Variants in RANBP2 observed in about 807,000 individuals in gnomAD.
The protein encoded by RANBP2 is RAN binding protein 2, also known as E3 SUMO-protein ligase RanBP2.
Under a neutral mutation model 303.6 loss-of-function variants are expected in RANBP2, and 57 were observed. The observed-to-expected ratio is 0.19, with a 90% CI of 0.15 to 0.23. The LOEUF (loss-of-function observed/expected upper bound fraction) is 0.23, where lower values mean the gene tolerates loss of function less well. Ranked by LOEUF, RANBP2 falls within the 10% of genes least tolerant of loss-of-function variation. The probability of loss-of-function intolerance (pLI) is 1.00; values close to 1 mark genes in which losing one functional copy is unlikely to be tolerated. For missense variants in RANBP2, 3,138 were observed against 3,780.8 expected (o/e 0.83, Z 4.46); for synonymous variants, 1,167 against 1,301.5 (o/e 0.90, Z 2.23).
At chr2:109,564,315 C>G in the RANBP2 span, 2 of 1,427,500 alleles carry the variant, frequency 1.4e-6, no homozygotes, top group Non-Finnish European at 1.9e-6. Flanking sequence ...TAAAAATATG[C>G]AATCCTCTCT....
chr2:109,340,748 C>T, the RANBP2 span, among the ~76,000 whole-genome samples: 3,768 of 152,196 alleles, frequency 0.025, 70 homozygotes, highest in African/African-American at 0.055. Flanking sequence ...CTAAGAAGCA[C>T]GGAAGGGCAG....
chr2:109,529,796 G>A, the RANBP2 span, among the ~76,000 whole-genome samples: 6 of 152,104 alleles, frequency 3.9e-5, no homozygotes, highest in Non-Finnish European at 8.8e-5. Flanking sequence ...GGGGGCTGTG[G>A]AGCCCCTTCC....
the RANBP2 span, among the ~76,000 whole-genome samples, chr2:109,727,463 A>G: frequency 3.3e-5 from 5 of 152,330 alleles, no homozygotes; most frequent in South Asian, 4.1e-4. Context: ...CCGAGTCCGT[A>G]TCCTGGAAGT....
At chr2:109,256,566 A>G in the RANBP2 span, among the ~76,000 whole-genome samples, 1 of 152,332 alleles carries the variant, frequency 6.6e-6, no homozygotes, top group African/African-American at 2.4e-5. Context: ...TAAAGGGCAC[A>G]GAAGCCCTTT....
At chr2:109,575,340 C>T in the RANBP2 span, among the ~76,000 whole-genome samples, 3 of 152,202 alleles carry the variant, frequency 2.0e-5, no homozygotes, top group African/African-American at 7.2e-5. Flanking sequence ...GACTCTTTGC[C>T]TCTTAGATTT....
At chr2:108,839,494 T>A in the RANBP2 span, among the ~76,000 whole-genome samples, 1 of 152,184 alleles carries the variant, frequency 6.6e-6, no homozygotes, top group African/African-American at 2.4e-5. Context: ...ACATCTTTCC[T>A]TTGTTGAGTC....
At chr2:109,671,288 T>C in the RANBP2 span, among the ~76,000 whole-genome samples, 4 of 151,994 alleles carry the variant, frequency 2.6e-5, no homozygotes, top group South Asian at 6.3e-4. Context: ...GGTGGCCAGC[T>C]GCAGCCAGGG....
chr2:109,455,816 A>G, the RANBP2 span, among the ~76,000 whole-genome samples: 1 of 152,136 alleles, frequency 6.6e-6, no homozygotes, highest in South Asian at 2.1e-4. Context: ...AGTGCCATTC[A>G]CTTCCGAAGT....
At chr2:109,201,887 C>T in the RANBP2 span, among the ~76,000 whole-genome samples, 2 of 152,216 alleles carry the variant, frequency 1.3e-5, no homozygotes, top group Admixed American at 1.3e-4. Context: ...AGCCTCCTAC[C>T]AATGAGTCTG....
At chr2:109,686,841 G>A in the RANBP2 span, among the ~76,000 whole-genome samples, 2 of 152,166 alleles carry the variant, frequency 1.3e-5, no homozygotes, top group Non-Finnish European at 2.9e-5. Flanking sequence ...TGGAAATCCT[G>A]AGCACAAGCG....
chr2:109,522,281 T>C, the RANBP2 span, among the ~76,000 whole-genome samples: 5 of 149,346 alleles, frequency 3.3e-5, no homozygotes, highest in Admixed American at 1.3e-4. Flanking sequence ...TTTTCTTTTT[T>C]TTAAAAAAAA....
At chr2:108,990,608 A>G in the RANBP2 span, among the ~76,000 whole-genome samples, 1 of 152,144 alleles carries the variant, frequency 6.6e-6, no homozygotes, top group Non-Finnish European at 1.5e-5. Context: ...AACAGAAAAG[A>G]AAAGAAAAGA....
chr2:108,937,538 T>C, the RANBP2 span, among the ~76,000 whole-genome samples: 1 of 151,738 alleles, frequency 6.6e-6, no homozygotes, highest in Non-Finnish European at 1.5e-5. Flanking sequence ...TGAGTGTATG[T>C]GTGTGAGTGT....
the RANBP2 span, among the ~76,000 whole-genome samples, chr2:108,926,625 C>T: frequency 6.6e-6 from 1 of 152,176 alleles, no homozygotes; most frequent in Non-Finnish European, 1.5e-5. Flanking sequence ...GGAAGCGTAA[C>T]CTCTCTCTCC....
At chr2:109,440,190 T>C in the RANBP2 span, among the ~76,000 whole-genome samples, 2 of 152,194 alleles carry the variant, frequency 1.3e-5, no homozygotes, top group African/African-American at 2.4e-5. Flanking sequence ...AGTGTGTAGA[T>C]GACAGTTCCC....
the RANBP2 span, among the ~76,000 whole-genome samples, chr2:108,991,737 T>C: frequency 6.6e-6 from 1 of 152,210 alleles, no homozygotes; most frequent in South Asian, 2.1e-4. Context: ...GTAAGAATTA[T>C]CTTGCAGATC....
the RANBP2 span, among the ~76,000 whole-genome samples, chr2:109,463,102 A>G: frequency 2.0e-5 from 3 of 152,194 alleles, no homozygotes; most frequent in East Asian, 5.8e-4. Flanking sequence ...TCTGTAAAGT[A>G]GCTCAAGCCT....
At chr2:109,691,945 G>A in the RANBP2 span, among the ~76,000 whole-genome samples, 1 of 152,154 alleles carries the variant, frequency 6.6e-6, no homozygotes, top group Middle Eastern at 3.4e-3. Context: ...ACCGTGCCCA[G>A]CTAATTTTTG....
At chr2:108,812,571 C>G in the RANBP2 span, 6 of 1,259,634 alleles carry the variant, frequency 4.8e-6, no homozygotes, top group Non-Finnish European at 6.9e-6. Context: ...ATTGGGAAAC[C>G]CTTAGTATGA....
Sources: gnomAD v4.1 joint callset for allele counts (sites outside exome capture counted in the v4.1 genomes callset) on GRCh38, gnomAD v4.1.1 for gene constraint, MANE v1.5 for transcripts, NCBI Gene and HGNC (gene_info 2026-07-23, HGNC 2026-07-21) for gene names.